The following VRK2 variants were observed in gnomAD, a reference collection of about 807,000 sequenced individuals.
VRK2 encodes serine/threonine-protein kinase VRK2.
VRK2 carries 60 observed loss-of-function variants against 57.6 expected under a neutral mutation model. That is an observed-to-expected ratio of 1.04 (90% CI 0.85 to 1.29). The LOEUF (loss-of-function observed/expected upper bound fraction) is 1.29, where lower values mean the gene tolerates loss of function less well. Ranked by LOEUF, VRK2 falls within the 50% of genes most tolerant of loss-of-function variation. VRK2 has a pLI of 0.00. For missense variants in VRK2, 705 were observed against 588.1 expected (o/e 1.20, Z -2.06); for synonymous variants, 231 against 199.2 (o/e 1.16, Z -1.35).
intron 1 of VRK2, among the ~76,000 whole-genome samples, chr2:57,971,354 T>A (rs1672093199): frequency 6.6e-6 from 1 of 151,922 alleles, no homozygotes; most frequent in Non-Finnish European, 1.5e-5. Context: ...AATTCAAGAC[T>A]TCCATAAAGA....
At chr2:58,048,324 T>C (rs1474235486) in intron 1 of VRK2, among the ~76,000 whole-genome samples, 1 of 152,250 alleles carries the variant, frequency 6.6e-6, no homozygotes, top group Non-Finnish European at 1.5e-5. Flanking sequence ...ATTTAACAAA[T>C]GTTTACTGAG....
chr2:58,013,837 C>T (rs1165272895), intron 1 of VRK2, among the ~76,000 whole-genome samples: 1 of 120,938 alleles, frequency 8.3e-6, no homozygotes, highest in Admixed American at 1.1e-4. Flanking sequence ...CCCTCCTGGG[C>T]GACAGAACGA....
At chr2:58,096,439 G>C (rs576738834) in intron 7 of VRK2, among the ~76,000 whole-genome samples, 2 of 151,850 alleles carry the variant, frequency 1.3e-5, no homozygotes, top group Non-Finnish European at 2.9e-5. Context: ...AAATTGGTTC[G>C]ATTCTTTATC....
chr2:58,025,805 T>A (rs537911340), intron 2 of VRK2: 3 of 152,336 alleles, frequency 2.0e-5, no homozygotes, highest in Admixed American at 2.0e-4. Flanking sequence ...AAGCTTCTGC[T>A]AAGGACACTC....
chr2:57,943,336 T>C (rs1671157997), intron 1 of VRK2, among the ~76,000 whole-genome samples: 1 of 152,226 alleles, frequency 6.6e-6, no homozygotes, highest in African/African-American at 2.4e-5. Context: ...TAGCATACTA[T>C]ATTTGTTGAT....
intron 7 of VRK2, among the ~76,000 whole-genome samples, chr2:58,109,431 T>C (rs1217830036): frequency 2.0e-5 from 3 of 150,134 alleles, no homozygotes; most frequent in Non-Finnish European, 4.4e-5. Context: ...CCCATACTGC[T>C]ATGAAAAAAA....
chr2:57,945,193 G>GA (rs1479455602), intron 1 of VRK2, among the ~76,000 whole-genome samples: 3 of 152,000 alleles, frequency 2.0e-5, no homozygotes, highest in African/African-American at 4.8e-5. Flanking sequence ...TTTTTAACTT[G>GA]AAAAAATCTT....
At chr2:58,020,542 C>T (rs1170882234) in intron 1 of VRK2, among the ~76,000 whole-genome samples, 1 of 152,184 alleles carries the variant, frequency 6.6e-6, no homozygotes, top group Non-Finnish European at 1.5e-5. Flanking sequence ...GGTTATTGTG[C>T]CAAGTATGCT....
In VRK2 at chr2:57,993,299, T is replaced by C. The variant is rs181312787; in HGVS notation, c.-438-32366T>C. ...TAGCTTAGTATGGTACTTAACATCA[T>C]AAAAGTAAAAGGAAGACTCTAACTC... On this transcript the variant is annotated intron_variant, in intron 1 of 15. Transcript: ENST00000417641. Among the ~76,000 whole-genome samples, 535 of 152,210 alleles carry C rather than the reference T, an allele frequency of 3.5e-3. 2 individuals carry two copies. Among genetic ancestry groups the C allele is most frequent in the Middle Eastern group, 0.024 (7 of 294 alleles).
rs1677768655 is a variant in VRK2 at position 58,123,090 on chromosome 2, T to C, written c.544-11T>C. On this transcript the variant is annotated splice_polypyrimidine_tract_variant and intron_variant, in intron 7 of 12. Coordinates refer to ENST00000340157, the MANE Select transcript of VRK2 (RefSeq NM_006296.7). The stretch of plus-strand genomic sequence containing the variant: ...AAAGGCATTATTCATTTGTCTGTGC[T>C]TGTCTTCCAGGTTTATCTTGCAGAT... 6.3e-7 allele frequency: 1 copy of C among 1,595,488 alleles called. No homozygotes were observed. The highest frequency in any genetic ancestry group is 1.1e-5 in the South Asian group (1 of 87,044).
chr2:58,137,084 ATATG>A (rs1680310996), intron 10 of VRK2, among the ~76,000 whole-genome samples: 1 of 128,758 alleles, frequency 7.8e-6, no homozygotes, highest in African/African-American at 3.0e-5. Context: ...TATAACATAT[ATATG>A]TGTATATATC....
intron 2 of VRK2, among the ~76,000 whole-genome samples, chr2:58,076,082 GA>G (rs1670060501): frequency 6.7e-6 from 1 of 148,402 alleles, no homozygotes; most frequent in Non-Finnish European, 1.5e-5. Flanking sequence ...TACTTTTTAA[GA>G]GCCTTCTAAT....
chr2:57,969,545 T>C (rs1395797932), intron 1 of VRK2, among the ~76,000 whole-genome samples: 1 of 152,000 alleles, frequency 6.6e-6, no homozygotes, highest in East Asian at 1.9e-4. Flanking sequence ...CAAAAGTAAA[T>C]TCACATCTTA....
chr2:58,128,699 T>C (rs1055890982), intron 8 of VRK2, among the ~76,000 whole-genome samples: 16 of 152,190 alleles, frequency 1.1e-4, no homozygotes, highest in Admixed American at 2.6e-4. Flanking sequence ...TGCTGAGCTC[T>C]ATTAATTTTT....
intron 1 of VRK2, among the ~76,000 whole-genome samples, chr2:58,007,459 C>T (rs751843789): frequency 1.3e-4 from 19 of 151,824 alleles, no homozygotes; most frequent in South Asian, 6.3e-4. Flanking sequence ...CCTCCTCCTC[C>T]CCACCCTACA....
intron 1 of VRK2, among the ~76,000 whole-genome samples, chr2:58,004,086 T>C (rs1036851790): frequency 1.3e-5 from 2 of 152,176 alleles, no homozygotes; most frequent in African/African-American, 2.4e-5. Context: ...CTGTGTTTAA[T>C]AGTAAGAATC....
At chr2:57,995,933 T>C (rs895261064) in intron 1 of VRK2, among the ~76,000 whole-genome samples, 2 of 152,236 alleles carry the variant, frequency 1.3e-5, no homozygotes, top group Non-Finnish European at 2.9e-5. Flanking sequence ...CTTCTGTATC[T>C]ATTGGTTCTG....
intron 11 of VRK2, among the ~76,000 whole-genome samples, chr2:58,144,546 A>G (rs957871693): frequency 3.3e-5 from 5 of 151,966 alleles, no homozygotes; most frequent in African/African-American, 1.2e-4. Flanking sequence ...TGGGAGGGCA[A>G]ATCTCACCCT....
At chr2:57,995,744 A>C (rs1232709557) in intron 1 of VRK2, among the ~76,000 whole-genome samples, 1 of 152,180 alleles carries the variant, frequency 6.6e-6, no homozygotes, top group Non-Finnish European at 1.5e-5. Flanking sequence ...CAAAATAATA[A>C]GTGTTACTTT....
Sources: gnomAD v4.1 joint callset for allele counts (sites outside exome capture counted in the v4.1 genomes callset) on GRCh38, gnomAD v4.1.1 for gene constraint, MANE v1.5 for transcripts, NCBI Gene and HGNC (gene_info 2026-07-23, HGNC 2026-07-21) for gene names.